Variants in TMOD1 observed in about 807,000 individuals in gnomAD.
The protein encoded by TMOD1 is tropomodulin 1, also known as tropomodulin-1.
Under a neutral mutation model 40.6 loss-of-function variants are expected in TMOD1, and 17 were observed. The ratio of observed to expected loss-of-function variants is 0.42; its 90% CI spans 0.29 to 0.63. TMOD1 has a LOEUF of 0.63. Ranked by LOEUF, TMOD1 falls within the 20% of genes least tolerant of loss-of-function variation. The pLI, the probability that TMOD1 is intolerant of heterozygous loss-of-function variation, is 0.22. For missense variants in TMOD1, 391 were observed against 447.6 expected, an observed-to-expected ratio of 0.87 and a Z score of 1.14; for synonymous variants, 181 against 175.0, an observed-to-expected ratio of 1.03 and a Z score of -0.27.
intron 3 of TMOD1, among the ~76,000 whole-genome samples, chr9:97,547,063 C>A (rs1830374243): frequency 6.6e-6 from 1 of 152,050 alleles, no homozygotes; most frequent in Non-Finnish European, 1.5e-5. Flanking sequence ...AAGTTCCTCT[C>A]TCTGGCAGCT....
At chr9:97,526,824 G>C (rs1830021478) in intron 2 of TMOD1, among the ~76,000 whole-genome samples, 1 of 152,158 alleles carries the variant, frequency 6.6e-6, no homozygotes, top group Non-Finnish European at 1.5e-5. Flanking sequence ...TAGCAGAGTT[G>C]GTTGGTCATT....
chr9:97,593,057 C>T (rs1472740993), intron 9 of TMOD1, among the ~76,000 whole-genome samples: 1 of 152,186 alleles, frequency 6.6e-6, no homozygotes, highest in Non-Finnish European at 1.5e-5. Flanking sequence ...GCTGCAGTAC[C>T]AGCACGGAGA....
intron 2 of TMOD1, 40 bp from the exon 3 acceptor site, chr9:97,546,145 T>C (rs1410072296): frequency 1.3e-6 from 2 of 1,571,562 alleles, no homozygotes; most frequent in Middle Eastern, 1.8e-4. Flanking sequence ...TCTCTCTCTC[T>C]CTTTCTCTCT....
At chr9:97,508,821 A>G (rs1829645395) in intron 1 of TMOD1, among the ~76,000 whole-genome samples, 1 of 152,216 alleles carries the variant, frequency 6.6e-6, no homozygotes, top group South Asian at 2.1e-4. Flanking sequence ...AATGTAATTA[A>G]TGAAGTTAAA....
intron 9 of TMOD1, among the ~76,000 whole-genome samples, chr9:97,598,649 A>G (rs982266966): frequency 2.6e-5 from 4 of 152,166 alleles, no homozygotes; most frequent in African/African-American, 4.8e-5. Flanking sequence ...TGATCATCTA[A>G]GGAACTGGGC....
At chr9:97,567,304 T>C (rs1830742776) in intron 7 of TMOD1, among the ~76,000 whole-genome samples, 1 of 152,142 alleles carries the variant, frequency 6.6e-6, no homozygotes, top group African/African-American at 2.4e-5. Flanking sequence ...TCCACAAATG[T>C]TTTTTGGGCA....
At chr9:97,584,887 C>G (rs1032387793) in intron 8 of TMOD1, among the ~76,000 whole-genome samples, 1 of 152,096 alleles carries the variant, frequency 6.6e-6, no homozygotes, top group Non-Finnish European at 1.5e-5. Flanking sequence ...TTATTTTGAG[C>G]CTATGTGTGT....
chr9:97,567,938 T>C (rs1830757243), intron 7 of TMOD1, among the ~76,000 whole-genome samples: 1 of 152,172 alleles, frequency 6.6e-6, no homozygotes, highest in South Asian at 2.1e-4. Flanking sequence ...TGCTGGTGTC[T>C]TTTTCCCTCC....
chr9:97,501,609 C>T (rs1394627901), upstream of TMOD1: 1 of 148,984 alleles, frequency 6.7e-6, no homozygotes, highest in Non-Finnish European at 1.5e-5. Flanking sequence ...CCGAGCCGGG[C>T]CCGCCCCTGG....
intron 5 of TMOD1, among the ~76,000 whole-genome samples, chr9:97,563,512 C>T (rs535695600): frequency 3.9e-5 from 6 of 152,334 alleles, no homozygotes; most frequent in African/African-American, 1.2e-4. Context: ...TTATCATCCA[C>T]ATGGATCTGT....
At chr9:97,543,490 A>G (rs1286478453) in intron 2 of TMOD1, among the ~76,000 whole-genome samples, 1 of 152,256 alleles carries the variant, frequency 6.6e-6, no homozygotes, top group East Asian at 1.9e-4. Context: ...TTTCTGCATT[A>G]TCTAGTTTAA....
chr9:97,547,215 C>G (rs138302341), intron 3 of TMOD1, among the ~76,000 whole-genome samples: 193 of 151,948 alleles, frequency 1.3e-3, no homozygotes, highest in Non-Finnish European at 2.3e-3. Context: ...CCTCTGCCCC[C>G]CTCCAATATC....
chr9:97,557,699 C>T lies in TMOD1; in HGVS notation c.397+4299C>T, dbSNP rs568209033. Reference sequence around the variant, plus strand: ...TCCAGCCATCTGCCCAGAGCCAGCCCGAGCAGCTGGCAGCAGGAGGAGCCG... The same window carrying T: ...TCCAGCCATCTGCCCAGAGCCAGCCTGAGCAGCTGGCAGCAGGAGGAGCCG... On this transcript the variant is annotated intron_variant, in intron 4 of 9. Coordinates refer to ENST00000259365, the MANE Select transcript of TMOD1 (RefSeq NM_003275.4). This position sits in a 1 kb window ranked among gnomAD's most constrained non-coding sequence, Gnocchi z 4.4. 1.9e-3 allele frequency among the ~76,000 whole-genome samples: 285 copies of T among 152,252 alleles called. 2 individuals are homozygous for T. The highest frequency in any genetic ancestry group is 6.5e-3 in the African/African-American group (270 of 41,542).
In TMOD1 at chr9:97,553,319, G is replaced by A; in HGVS notation, c.316G>A (p.Val106Met). ...WVPKQKPLDP[V>M]LESVTLEPEL... is the part of the protein sequence containing the mutation. ...TCCTAAGCAGAAGCCACTGGATCCT[G>A]TGCTGGAAAGTGTGACGCTGGAACC... Residue 106 changes from valine (V) to methionine (M), a missense_variant, in exon 4 of 10, where the codon GTG (valine) becomes ATG (methionine). Transcript: ENST00000259365. The A allele has an allele frequency of 6.2e-7, 1 of 1,614,208 alleles. No homozygotes were observed. Among genetic ancestry groups the A allele is most frequent in the Non-Finnish European group, 8.5e-7 (1 of 1,180,042 alleles).
intron 2 of TMOD1, among the ~76,000 whole-genome samples, chr9:97,531,241 G>T (rs1830098820): frequency 6.6e-6 from 1 of 152,136 alleles, no homozygotes; most frequent in African/African-American, 2.4e-5. Context: ...AAAGAAATAG[G>T]TTCCCAGAAT....
chr9:97,555,409 A>G, intron 4 of TMOD1: 1 of 1,368,232 alleles, frequency 7.3e-7, no homozygotes, highest in Non-Finnish European at 9.4e-7. Flanking sequence ...GGGATTATCA[A>G]ATGACTGCCG....
chr9:97,600,730 G>C lies in TMOD1; in HGVS notation c.*1032G>C. 1 of 1,007,926 alleles carries C rather than the reference G, an allele frequency of 9.9e-7. No homozygotes were observed. Among genetic ancestry groups the C allele is most frequent in the African/African-American group, 1.7e-5 (1 of 57,684 alleles). 62.4% of individuals were successfully genotyped at this position (1,007,926 alleles called of 1,614,324 possible). A position where few individuals can be genotyped will look rare whatever the true frequency, so the allele number is the denominator to read the frequency against. ...GCCGGACAATGGTGAAGAAACTCCAGATATCAAGGAATTGGGAAATCCTGG... is the reference window on the plus strand; with the variant it reads ...GCCGGACAATGGTGAAGAAACTCCACATATCAAGGAATTGGGAAATCCTGG... On this transcript the variant is annotated 3_prime_UTR_variant, in exon 10 of 10. Coordinates refer to ENST00000259365, the MANE Select transcript of TMOD1 (RefSeq NM_003275.4).
At chr9:97,569,641 A>G (rs72751532) in intron 8 of TMOD1, among the ~76,000 whole-genome samples, 11,057 of 152,294 alleles carry the variant, frequency 0.073, 429 homozygotes, top group Non-Finnish European at 0.083. Context: ...GAGGATGCTA[A>G]TAACAACATC....
chr9:97,581,311 A>G (rs1825748175), intron 8 of TMOD1, among the ~76,000 whole-genome samples: 2 of 149,432 alleles, frequency 1.3e-5, no homozygotes, highest in South Asian at 2.1e-4. Flanking sequence ...ATGTCCCTAC[A>G]AAGGACATGA....
Sources: gnomAD v4.1 joint callset for allele counts (sites outside exome capture counted in the v4.1 genomes callset) on GRCh38, gnomAD v4.1.1 for gene constraint, Gnocchi (gnomAD v3.1) non-coding constraint, MANE v1.5 for transcripts, NCBI Gene and HGNC (gene_info 2026-07-23, HGNC 2026-07-21) for gene names.